Variants in DSCAM observed in about 807,000 individuals in gnomAD.
DSCAM encodes cell adhesion molecule DSCAM.
DSCAM carries 47 observed loss-of-function variants against 217.7 expected under a neutral mutation model. That is an observed-to-expected ratio of 0.22 (90% CI 0.17 to 0.28). The LOEUF (loss-of-function observed/expected upper bound fraction) is 0.28. Among genes scored for constraint, DSCAM ranks in the 10% least tolerant of loss-of-function variants. The pLI, the probability that DSCAM is intolerant of heterozygous loss-of-function variation, is 1.00. For missense variants in DSCAM, 2,080 were observed against 2,618.3 expected, an observed-to-expected ratio of 0.79 and a Z score of 4.49; for synonymous variants, 1,056 against 1,015.3, an observed-to-expected ratio of 1.04 and a Z score of -0.76.
chr21:40,761,051 C>T (rs2091328552), intron 1 of DSCAM, among the ~76,000 whole-genome samples: 1 of 152,176 alleles, frequency 6.6e-6, no homozygotes, highest in East Asian at 1.9e-4. Flanking sequence ...GAATTTCTAC[C>T]CTCACCTAAC....
At chr21:40,388,199 A>G (rs2837602) in intron 3 of DSCAM, among the ~76,000 whole-genome samples, 104,523 of 152,114 alleles carry the variant, frequency 0.69, 36,714 homozygotes, top group African/African-American at 0.82. Flanking sequence ...CTTCCAGAAA[A>G]GAAATTGTAC....
intron 2 of DSCAM, among the ~76,000 whole-genome samples, chr21:40,699,384 T>A (rs1318256011): frequency 6.6e-6 from 1 of 152,216 alleles, no homozygotes; most frequent in African/African-American, 2.4e-5. Flanking sequence ...GGTCTTTAAG[T>A]ATTCATGTGA....
intron 11 of DSCAM, among the ~76,000 whole-genome samples, chr21:40,254,486 T>C (rs1028448772): frequency 1.3e-5 from 2 of 152,210 alleles, no homozygotes; most frequent in East Asian, 1.9e-4. Flanking sequence ...GCAATACGAA[T>C]GCATCTGATG....
At chr21:40,428,234 TTG>T (rs71186936) in intron 3 of DSCAM, among the ~76,000 whole-genome samples, 8,200 of 128,722 alleles carry the variant, frequency 0.064, 224 homozygotes, top group East Asian at 0.097. Flanking sequence ...GGCAAATACT[TTG>T]TGTGTGTGTG....
intron 1 of DSCAM, among the ~76,000 whole-genome samples, chr21:40,744,064 A>T (rs1407531357): frequency 6.6e-6 from 1 of 152,176 alleles, no homozygotes; most frequent in Non-Finnish European, 1.5e-5. Flanking sequence ...TCTCTTCTCC[A>T]GGCTTGTATA....
chr21:40,555,479 T>G (rs1221719712), intron 3 of DSCAM, among the ~76,000 whole-genome samples: 2 of 152,216 alleles, frequency 1.3e-5, no homozygotes, highest in African/African-American at 4.8e-5. Context: ...GTAATGATAT[T>G]TAATGATGCC....
rs552407947 is a variant in DSCAM, at chr21:40,333,388, CAG to C, written c.1783+4711_1783+4712del. Among the ~76,000 whole-genome samples the C allele has an allele frequency of 2.5e-4, 38 of 152,246 alleles. No homozygotes were observed. The East Asian group carries it at 3.5e-3, about 14-fold the overall frequency. ...TGATCGATCGATTGATTGATTGAGA[CAG>C]AGTCTTCCCTGTCACCCAGGATGGA... On this transcript the variant is annotated intron_variant, in intron 8 of 32. Coordinates refer to ENST00000400454, the MANE Select transcript of DSCAM (RefSeq NM_001389.5).
At chr21:40,397,814 C>T (rs939907863) in intron 3 of DSCAM, among the ~76,000 whole-genome samples, 6 of 152,044 alleles carry the variant, frequency 3.9e-5, no homozygotes, top group African/African-American at 1.4e-4. Flanking sequence ...AATACTGCTA[C>T]CACCCCTACT....
chr21:40,807,655 C>A (rs1308429497), intron 1 of DSCAM, among the ~76,000 whole-genome samples: 1 of 151,948 alleles, frequency 6.6e-6, no homozygotes, highest in Non-Finnish European at 1.5e-5. Flanking sequence ...AAGGTCATAA[C>A]AAAATAAAAA....
chr21:40,555,974 G>C (rs908710866), intron 3 of DSCAM, among the ~76,000 whole-genome samples: 3 of 152,012 alleles, frequency 2.0e-5, no homozygotes, highest in African/African-American at 7.2e-5. Flanking sequence ...GGACAAGTTG[G>C]GTGAGAGAGG....
intron 11 of DSCAM, among the ~76,000 whole-genome samples, chr21:40,234,068 C>A (rs1479318332): frequency 2.0e-5 from 3 of 152,222 alleles, no homozygotes; most frequent in Non-Finnish European, 2.9e-5. Flanking sequence ...CAGCTCTTGT[C>A]ACAGAGTGAA....
chr21:40,604,275 C>A (rs1277027734), intron 3 of DSCAM, among the ~76,000 whole-genome samples: 1 of 152,086 alleles, frequency 6.6e-6, no homozygotes, highest in Non-Finnish European at 1.5e-5. Flanking sequence ...GTTCTAGCAC[C>A]TCCTTTAAAT....
At chr21:40,148,720 A>C (rs966016117) in intron 16 of DSCAM, among the ~76,000 whole-genome samples, 1 of 151,876 alleles carries the variant, frequency 6.6e-6, no homozygotes, top group Non-Finnish European at 1.5e-5. Context: ...CACCACCATC[A>C]CTACTACCAT....
intron 9 of DSCAM, among the ~76,000 whole-genome samples, chr21:40,307,337 C>T (rs2074089935): frequency 6.6e-6 from 1 of 152,068 alleles, no homozygotes; most frequent in Non-Finnish European, 1.5e-5. Context: ...AAAAAATGCT[C>T]ACCGTCACTG....
chr21:40,063,086 G>A (rs1411668667), intron 27 of DSCAM, among the ~76,000 whole-genome samples, 187 bp from the exon 28 acceptor site: 1 of 152,086 alleles, frequency 6.6e-6, no homozygotes, highest in Non-Finnish European at 1.5e-5. Flanking sequence ...CTTTTAAAAT[G>A]TATTTTATTA....
chr21:40,662,697 C>T (rs1371676830), intron 3 of DSCAM, among the ~76,000 whole-genome samples: 2 of 152,116 alleles, frequency 1.3e-5, no homozygotes, highest in African/African-American at 2.4e-5. Flanking sequence ...TCAGTGCCCT[C>T]AGAGAGCCAC....
chr21:40,248,917 C>T (rs935180862), intron 11 of DSCAM, among the ~76,000 whole-genome samples: 3 of 152,076 alleles, frequency 2.0e-5, no homozygotes, highest in Admixed American at 1.3e-4. Flanking sequence ...TACATGGTGG[C>T]GGCAAGAGAA....
intron 19 of DSCAM, among the ~76,000 whole-genome samples, chr21:40,130,763 G>A (rs752029675): frequency 3.9e-5 from 6 of 152,200 alleles, no homozygotes; most frequent in Non-Finnish European, 8.8e-5. Context: ...TAGAGAACAA[G>A]CACAGACTTG....
At chr21:40,710,358 T>A (rs1347724341) in intron 1 of DSCAM, among the ~76,000 whole-genome samples, 1 of 152,232 alleles carries the variant, frequency 6.6e-6, no homozygotes, top group African/African-American at 2.4e-5. Flanking sequence ...TCTGTTTTGA[T>A]TTTTACATTT....
Sources: gnomAD v4.1 joint callset for allele counts (sites outside exome capture counted in the v4.1 genomes callset) on GRCh38, gnomAD v4.1.1 for gene constraint, MANE v1.5 for transcripts, NCBI Gene and HGNC (gene_info 2026-07-23, HGNC 2026-07-21) for gene names.